TOPAZ1: variants seen among roughly 807,000 people sequenced by gnomAD.
TOPAZ1 encodes testis and ovary specific TOPAZ 1, also known as protein TOPAZ1.
TOPAZ1 carries 66 observed loss-of-function variants against 172.2 expected under a neutral mutation model. That is an observed-to-expected ratio of 0.38 (90% CI 0.31 to 0.47). The LOEUF is 0.47. TOPAZ1 is among the 20% of genes least tolerant of loss of function. The pLI, the probability that TOPAZ1 is intolerant of heterozygous loss-of-function variation, is 0.99. For missense variants in TOPAZ1, 1,822 were observed against 1,972.4 expected (o/e 0.92, Z 1.44); for synonymous variants, 681 against 683.9 (o/e 1.00, Z 0.07).
chr3:44,280,600 G>T (rs901533281), intron 8 of TOPAZ1, among the ~76,000 whole-genome samples: 1 of 152,122 alleles, frequency 6.6e-6, no homozygotes, highest in Non-Finnish European at 1.5e-5. Flanking sequence ...CACCCGCCTT[G>T]GTGGGTGCTG....
At chr3:44,255,121 A>G (rs2125679853) in intron 3 of TOPAZ1, 92 bp downstream of exon 3, 1 of 906,122 alleles carries the variant, frequency 1.1e-6, no homozygotes, top group East Asian at 2.7e-5. Context: ...TAGAACAAGA[A>G]GCTTTTCATT....
chr3:44,295,023 ATTAG>A (rs1334182376), intron 12 of TOPAZ1, among the ~76,000 whole-genome samples: 1 of 152,200 alleles, frequency 6.6e-6, no homozygotes, highest in Non-Finnish European at 1.5e-5. Flanking sequence ...CTGCAACTTT[ATTAG>A]TTACTTTTTG....
At chr3:44,257,174 A>AT (rs1415617596) in intron 4 of TOPAZ1, among the ~76,000 whole-genome samples, 3 of 151,294 alleles carry the variant, frequency 2.0e-5, no homozygotes, top group South Asian at 2.1e-4. Flanking sequence ...ACAAAAAAAA[A>AT]TTTTTTTTTA....
Position 44,243,255 on chromosome 3 carries a change from G to C in TOPAZ1, c.749G>C (p.Gly250Ala). The C allele has an allele frequency of 6.4e-7, 1 of 1,551,440 alleles. No individual in the cohort carries two copies. Among genetic ancestry groups the C allele is most frequent in the Non-Finnish European group, 8.7e-7 (1 of 1,146,922 alleles). The change falls in exon 2 of 20, where the codon GGT (glycine) becomes GCT (alanine). Residue 250 changes from glycine (G) to alanine (A), a missense_variant. Around this residue, in one of 2 missense-constraint regions of TOPAZ1, gnomAD observed 1,489 missense variants for 1,490.8 expected, o/e 1.00. Coordinates refer to ENST00000309765, the MANE Select transcript of TOPAZ1 (RefSeq NM_001145030.2). ...AACAACCTGCCATATAAACCTGATG[G>C]TGGATGTATGCATGTAGCAGAAAAT... ...DENNLPYKPDGGCMHVAENFS... is the reference protein window; with the variant it reads ...DENNLPYKPDAGCMHVAENFS...
chr3:44,285,106 T>TAA (rs1700063822), intron 9 of TOPAZ1, among the ~76,000 whole-genome samples: 1 of 151,734 alleles, frequency 6.6e-6, no homozygotes, highest in African/African-American at 2.4e-5. Flanking sequence ...AAGAAAGGAG[T>TAA]AAAAATACCT....
rs555680505 is a variant in TOPAZ1, at chr3:44,316,275, A to G, written c.4307-4752A>G. Among the ~76,000 whole-genome samples, 29 of 152,282 alleles carry G rather than the reference A, an allele frequency of 1.9e-4. No individual in the cohort carries two copies. The South Asian group carries it at 5.2e-3, about 27-fold the overall frequency. ...AAAATAAATAAAGTAAACTTTTTTT[A>G]AAGTAAATCAAGCAACTTAGCCTCA... is the stretch of plus-strand genomic sequence containing the variant. On this transcript the variant is annotated intron_variant, in intron 16 of 19. Coordinates refer to ENST00000309765, the MANE Select transcript of TOPAZ1 (RefSeq NM_001145030.2).
chr3:44,265,469 T>C (rs1435903482), intron 5 of TOPAZ1, among the ~76,000 whole-genome samples: 1 of 152,102 alleles, frequency 6.6e-6, no homozygotes, highest in Non-Finnish European at 1.5e-5. Context: ...AGGCAGAGAA[T>C]TGCTTGAACC....
rs1276033522 is a variant in TOPAZ1, at chr3:44,244,433, G to A, written c.1927G>A (p.Ala643Thr). 2.6e-6 allele frequency: 4 copies of A among 1,551,202 alleles called. No individual in the cohort carries two copies. The highest frequency in any genetic ancestry group is 2.0e-5 in the Admixed American group (1 of 50,984). ...AAATTTAACGAAACTTAATTTGACA[G>A]CGACTTCCAAAGATGGTCAGGAAGC... ...RGNLTKLNLT[A>T]TSKDGQEANN... The change falls in exon 2 of 20, where the codon GCG becomes ACG. Residue 643 changes from alanine (A) to threonine (T), a missense_variant. This residue lies in a region of TOPAZ1 where 1,489 missense variants were observed against 1,490.8 expected (regional missense o/e 1.00). Transcript: ENST00000309765.
At chr3:44,270,609 C>A in intron 7 of TOPAZ1, 76 bp from the exon 8 acceptor site, 1 of 1,072,886 alleles carries the variant, frequency 9.3e-7, no homozygotes, top group Non-Finnish European at 1.2e-6. Context: ...ATTTGTGTTG[C>A]TTCAAATGCT....
chr3:44,311,013 G>C (rs1051866506), intron 16 of TOPAZ1, among the ~76,000 whole-genome samples: 1 of 152,116 alleles, frequency 6.6e-6, no homozygotes, highest in African/African-American at 2.4e-5. Context: ...TTGATAAAGT[G>C]GGATAAGAAC....
intron 16 of TOPAZ1, among the ~76,000 whole-genome samples, chr3:44,311,025 A>T (rs1373814306): frequency 6.6e-6 from 1 of 152,224 alleles, no homozygotes; most frequent in Non-Finnish European, 1.5e-5. Context: ...GATAAGAACG[A>T]AAAAACCTCA....
chr3:44,282,167 T>C lies in TOPAZ1; in HGVS notation c.3436+136T>C, dbSNP rs1327401711. The C allele has an allele frequency of 1.6e-4, 90 of 577,338 alleles. 1 individual carries two copies. Among genetic ancestry groups the C allele is most frequent in the African/African-American group, 1.3e-4 (7 of 52,296 alleles). 35.8% of individuals were successfully genotyped at this position (577,338 alleles called of 1,614,324 possible). A position where few individuals can be genotyped will look rare whatever the true frequency, so the allele number is the denominator to read the frequency against. Reference sequence around the variant, plus strand: ...GTAGCTCTGTTGGCCTAAGAAAGGATTGAAAATAAATGAGATATTTTGGTT... The same window carrying C: ...GTAGCTCTGTTGGCCTAAGAAAGGACTGAAAATAAATGAGATATTTTGGTT... On this transcript the variant is annotated intron_variant, in intron 9 of 19. Coordinates refer to ENST00000309765, the MANE Select transcript of TOPAZ1 (RefSeq NM_001145030.2).
intron 16 of TOPAZ1, among the ~76,000 whole-genome samples, chr3:44,318,211 G>GCCGA (rs1700471369): frequency 6.6e-6 from 1 of 152,172 alleles, no homozygotes; most frequent in African/African-American, 2.4e-5. Context: ...ACTTTGGGAG[G>GCCGA]CCGAAGTGGG....
intron 15 of TOPAZ1, among the ~76,000 whole-genome samples, chr3:44,307,381 C>A (rs1700347675): frequency 6.6e-6 from 1 of 152,132 alleles, no homozygotes; most frequent in African/African-American, 2.4e-5. Context: ...TCATAAAAAT[C>A]ACCTCTTAGA....
In TOPAZ1 at chr3:44,243,232, C is replaced by A; in HGVS notation, c.726C>A (p.Asn242Lys). The A allele has an allele frequency of 6.5e-7, 1 of 1,550,372 alleles. No individual in the cohort carries two copies. The highest frequency in any genetic ancestry group is 8.7e-7 in the Non-Finnish European group (1 of 1,146,672). Residue 242 changes from asparagine (N) to lysine (K), a missense_variant, in exon 2 of 20, where the codon AAC becomes AAA. By Grantham distance (94) the Asn-to-Lys change is moderately conservative (BLOSUM62 0). Coordinates refer to ENST00000309765, the MANE Select transcript of TOPAZ1 (RefSeq NM_001145030.2). The part of the protein sequence containing the change: ...FPHSKGCNDE[N>K]NLPYKPDGGC... Reference sequence around the variant, plus strand: ...ATTCCAAGGGTTGTAATGATGAAAACAACCTGCCATATAAACCTGATGGTG... The same window carrying A: ...ATTCCAAGGGTTGTAATGATGAAAAAAACCTGCCATATAAACCTGATGGTG...
Position 44,332,025 on chromosome 3 carries a change from CTTTT to C in TOPAZ1, c.*26_*29del, listed in dbSNP as rs58971114. 248 of 1,328,880 alleles carry C rather than the reference CTTTT, an allele frequency of 1.9e-4. No homozygotes were observed. The highest frequency in any genetic ancestry group is 5.4e-4 in the Middle Eastern group (2 of 3,724). 82.3% of individuals were successfully genotyped at this position (1,328,880 alleles called of 1,614,324 possible). A position where few individuals can be genotyped will look rare whatever the true frequency, so the allele number is the denominator to read the frequency against. The stretch of plus-strand genomic sequence containing the variant: ...AGTAACCATTAGCTAATAAAGTCTG[CTTTT>C]TTTTTTTTTTTAGTTCAAGTAATCA... On this transcript the variant is annotated 3_prime_UTR_variant, in exon 20 of 20. Transcript: ENST00000309765.
rs1334396568 is a variant in TOPAZ1, at chr3:44,245,062, T to G, written c.2556T>G (p.Asp852Glu). Residue 852 changes from aspartate to glutamate, a missense_variant, in exon 2 of 20, where the codon GAT (aspartate) becomes GAG (glutamate). Physicochemically the swap from Asp to Glu is conservative, Grantham distance 45. Coordinates refer to ENST00000309765, the MANE Select transcript of TOPAZ1 (RefSeq NM_001145030.2). ...TKNFSEVGFP[D>E]ILKAYEDDVL... Reference sequence around the variant, plus strand: ...ATTTTTCAGAGGTAGGGTTTCCAGATATTCTTAAAGCATATGAAGATGACG... The same window carrying G: ...ATTTTTCAGAGGTAGGGTTTCCAGAGATTCTTAAAGCATATGAAGATGACG... 17 of 1,551,712 alleles carry G rather than the reference T, an allele frequency of 1.1e-5. No individual in the cohort carries two copies. In the Admixed American group the frequency reaches 3.3e-4, roughly 30 times the overall value.
chr3:44,267,054 C>G lies in TOPAZ1; in HGVS notation c.3078C>G (p.Val1026=). ...GCGAATGTCAATTTGCAGTACCAGT[C>G]CCGAAACCTCTGTGTTTATTAGTAC... The part of the protein sequence containing the change: ...MVGECQFAVP[V]PKPLCLLVPP... Residue 1026 remains valine (V), a synonymous_variant, in exon 6 of 20, where the codon GTC becomes GTG. Coordinates refer to ENST00000309765, the MANE Select transcript of TOPAZ1 (RefSeq NM_001145030.2). 1 of 1,549,928 alleles carries G rather than the reference C, an allele frequency of 6.5e-7. No homozygotes were observed. Among genetic ancestry groups the G allele is most frequent in the Non-Finnish European group, 8.7e-7 (1 of 1,146,204 alleles).
intron 11 of TOPAZ1, 32 bp downstream of exon 11, chr3:44,287,871 TGGC>T: frequency 9.3e-7 from 1 of 1,080,276 alleles, no homozygotes; most frequent in South Asian, 1.5e-5. Flanking sequence ...TATTCTCTGA[TGGC>T]GAGTAACCAA....
Sources: allele counts gnomAD v4.1 joint callset (sites outside exome capture counted in the v4.1 genomes callset), GRCh38; gene constraint gnomAD v4.1.1; regional missense constraint gnomAD v4.1.1; transcripts MANE v1.5; gene names NCBI Gene and HGNC (gene_info 2026-07-23, HGNC 2026-07-21).